The following REDIC1 variants were observed in gnomAD, a reference collection of about 807,000 sequenced individuals.
REDIC1 encodes HEI10 Interacting Protein 1.
chr12:39,666,247 C>A, the REDIC1 span, among the ~76,000 whole-genome samples: 2 of 152,038 alleles, frequency 1.3e-5, no homozygotes, highest in African/African-American at 4.8e-5. Context: ...CCCATCAATA[C>A]CTAATTTATT....
At chr12:39,626,225 C>T in the REDIC1 span, 2 of 1,169,140 alleles carry the variant, frequency 1.7e-6, no homozygotes, top group Non-Finnish European at 2.5e-6. Flanking sequence ...CTTACTCGGG[C>T]CCTGACGTTG....
At chr12:39,629,432 T>C in the REDIC1 span, among the ~76,000 whole-genome samples, 1 of 152,172 alleles carries the variant, frequency 6.6e-6, no homozygotes, top group Non-Finnish European at 1.5e-5. Context: ...TTGTATATTA[T>C]AGAAACCTGA....
the REDIC1 span, among the ~76,000 whole-genome samples, chr12:39,901,649 C>G: frequency 7.8e-6 from 1 of 127,964 alleles, no homozygotes; most frequent in African/African-American, 3.0e-5. Flanking sequence ...GAGATACCAT[C>G]TCACACCAGT....
chr12:39,683,522 A>T, the REDIC1 span: 2 of 1,418,758 alleles, frequency 1.4e-6, no homozygotes, highest in South Asian at 1.2e-5. Context: ...ACAAATCAGG[A>T]TCTAGTATGA....
chr12:39,897,725 C>T, the REDIC1 span, among the ~76,000 whole-genome samples: 3 of 152,112 alleles, frequency 2.0e-5, no homozygotes, highest in Non-Finnish European at 4.4e-5. Context: ...GTAATATCTT[C>T]ACTGTAGAGA....
At chr12:39,630,250 T>G in the REDIC1 span, among the ~76,000 whole-genome samples, 1 of 152,334 alleles carries the variant, frequency 6.6e-6, no homozygotes, top group South Asian at 2.1e-4. Context: ...TAACCAGACT[T>G]TGGTCTGCAA....
At chr12:39,634,373 G>C in the REDIC1 span, among the ~76,000 whole-genome samples, 27 of 152,080 alleles carry the variant, frequency 1.8e-4, no homozygotes, top group Admixed American at 1.8e-3. Context: ...CACGCTGCCT[G>C]ACCTCAAACT....
chr12:39,636,096 A>C, the REDIC1 span, among the ~76,000 whole-genome samples: 4 of 152,040 alleles, frequency 2.6e-5, no homozygotes, highest in Non-Finnish European at 5.9e-5. Flanking sequence ...CTTGAAATAT[A>C]CTTATGTGTT....
the REDIC1 span, among the ~76,000 whole-genome samples, chr12:39,697,277 A>C: frequency 6.6e-6 from 1 of 152,234 alleles, no homozygotes; most frequent in Non-Finnish European, 1.5e-5. Flanking sequence ...AATCTCCCTC[A>C]AACATGAAGT....
chr12:39,802,038 T>C, the REDIC1 span, among the ~76,000 whole-genome samples: 1 of 152,156 alleles, frequency 6.6e-6, no homozygotes, highest in Non-Finnish European at 1.5e-5. Context: ...ATTGTCATGA[T>C]GAAAAAACTA....
At chr12:39,735,334 T>A in the REDIC1 span, among the ~76,000 whole-genome samples, 2 of 152,122 alleles carry the variant, frequency 1.3e-5, no homozygotes, top group East Asian at 3.9e-4. Flanking sequence ...TTGGGAAGAA[T>A]GGGGATATTT....
the REDIC1 span, among the ~76,000 whole-genome samples, chr12:39,715,302 C>T: frequency 1.3e-5 from 2 of 152,004 alleles, no homozygotes; most frequent in Admixed American, 6.6e-5. Context: ...AGCCCAGCAC[C>T]ATTTGTTGAA....
At chr12:39,650,600 C>T in the REDIC1 span, among the ~76,000 whole-genome samples, 1 of 152,114 alleles carries the variant, frequency 6.6e-6, no homozygotes, top group Non-Finnish European at 1.5e-5. The surrounding 1 kb of genome is among the most constrained non-coding windows in gnomAD (Gnocchi z 4.3). Context: ...AAAGAAGTCT[C>T]GCTCTTTCAC....
At chr12:39,668,704 G>T in the REDIC1 span, among the ~76,000 whole-genome samples, 1 of 152,166 alleles carries the variant, frequency 6.6e-6, no homozygotes. Context: ...ATCAGACATA[G>T]ATTTGGTCTT....
At chr12:39,646,330 A>G in the REDIC1 span, 6 of 1,132,396 alleles carry the variant, frequency 5.3e-6, no homozygotes, top group Admixed American at 8.9e-5. Context: ...TTATTATAGA[A>G]ACTGTGAGAA....
the REDIC1 span, chr12:39,754,195 C>T: frequency 1.3e-5 from 2 of 151,992 alleles, no homozygotes; most frequent in African/African-American, 2.4e-5. Flanking sequence ...GGGCAAGTGA[C>T]AAAAATGTTT....
At chr12:39,761,228 C>T in the REDIC1 span, among the ~76,000 whole-genome samples, 2 of 147,360 alleles carry the variant, frequency 1.4e-5, no homozygotes, top group Non-Finnish European at 3.0e-5. Context: ...CTTCTCTGGG[C>T]CTCTGTTGCC....
At chr12:39,832,316 T>C in the REDIC1 span, among the ~76,000 whole-genome samples, 2,266 of 152,272 alleles carry the variant, frequency 0.015, 59 homozygotes, top group African/African-American at 0.049. Context: ...ATACTAATTG[T>C]TCCAATGGCC....
the REDIC1 span, among the ~76,000 whole-genome samples, chr12:39,893,542 T>G: frequency 6.6e-5 from 10 of 152,322 alleles, no homozygotes; most frequent in East Asian, 1.9e-3. Flanking sequence ...TCAGGTGATC[T>G]GCCCGCCTTG....
Sources: allele counts gnomAD v4.1 joint callset (sites outside exome capture counted in the v4.1 genomes callset), GRCh38; gene constraint gnomAD v4.1.1; non-coding constraint Gnocchi (gnomAD v3.1); transcripts MANE v1.5; gene names NCBI Gene and HGNC (gene_info 2026-07-23, HGNC 2026-07-21).